The following PHEX variants were observed in gnomAD, a reference collection of about 807,000 sequenced individuals.
PHEX encodes the protein phosphate-regulating neutral endopeptidase PHEX.
PHEX carries 16 observed loss-of-function variants against 68.0 expected under a neutral mutation model. The observed-to-expected ratio is 0.24, with a 90% confidence interval of 0.16 to 0.36. The LOEUF (loss-of-function observed/expected upper bound fraction) is 0.36, where lower values mean the gene tolerates loss of function less well. Ranked by LOEUF, PHEX falls within the 10% of genes least tolerant of loss-of-function variation. PHEX has a pLI of 1.00. For missense variants in PHEX, 480 were observed against 575.5 expected (o/e 0.83, Z 1.70); for synonymous variants, 208 against 205.1 (o/e 1.01, Z -0.12).
intron 11 of PHEX, among the ~76,000 whole-genome samples, chrX:22,128,525 T>A (rs1931836089): frequency 1.8e-5 from 2 of 111,021 alleles, no homozygotes; most frequent in South Asian, 7.8e-4. Context: ...TCCATAAAAA[T>A]ACCTCAAAGA....
In PHEX at chrX:22,113,506, G is replaced by T. The variant is rs142018132; in HGVS notation, c.1174-952G>T. On this transcript the variant is annotated intron_variant, in intron 10 of 21. Transcript: ENST00000379374. ...AGAGTAAACCTCTGACCCAGGTCCT[G>T]CTTGGGAAACTTCTTACTTGTTTGT... 2.9e-3 allele frequency among the ~76,000 whole-genome samples: 327 copies of T among 112,013 alleles called. 1 individual carries two copies. Among genetic ancestry groups the T allele is most frequent in the African/African-American group, 9.7e-3 (300 of 30,801 alleles).
At chrX:22,221,343 A>G (rs995467870) in intron 17 of PHEX, among the ~76,000 whole-genome samples, 1 of 112,556 alleles carries the variant, frequency 8.9e-6, no homozygotes, top group African/African-American at 3.2e-5. Context: ...CCAAGATTGA[A>G]TAAGACTAGT....
chrX:22,194,080 A>G (rs767034242), intron 15 of PHEX, among the ~76,000 whole-genome samples: 1 of 111,945 alleles, frequency 8.9e-6, no homozygotes, highest in South Asian at 3.8e-4. Flanking sequence ...ACCCCTGCTC[A>G]GCCTTTTTCT....
chrX:22,231,297 G>A (rs887113894), intron 20 of PHEX, among the ~76,000 whole-genome samples: 7 of 111,845 alleles, frequency 6.3e-5, no homozygotes, highest in African/African-American at 2.3e-4. Flanking sequence ...AAATGAGTTA[G>A]GGAGGATTCC....
chrX:22,108,986 G>T (rs902981235), intron 9 of PHEX, among the ~76,000 whole-genome samples: 1 of 110,792 alleles, frequency 9.0e-6, no homozygotes, highest in Non-Finnish European at 1.9e-5. Context: ...TATAGCTGTG[G>T]ATTTATGAAT....
At chrX:22,162,194 A>G (rs1233251066) in intron 12 of PHEX, among the ~76,000 whole-genome samples, 2 of 112,070 alleles carry the variant, frequency 1.8e-5, no homozygotes, top group Non-Finnish European at 3.8e-5. Flanking sequence ...GGGGGCTGCA[A>G]ATAGCCTGGA....
intron 5 of PHEX, among the ~76,000 whole-genome samples, chrX:22,082,288 T>A (rs1929426329): frequency 8.9e-6 from 1 of 112,237 alleles, no homozygotes; most frequent in South Asian, 3.7e-4. Flanking sequence ...ACCAAACTGC[T>A]TTCCACAGTG....
intron 14 of PHEX, among the ~76,000 whole-genome samples, chrX:22,190,154 T>C (rs1156645753): frequency 1.8e-5 from 2 of 112,417 alleles, no homozygotes; most frequent in Non-Finnish European, 1.9e-5. Flanking sequence ...GAATTTCTCT[T>C]TAAAACTTTT....
At chrX:22,127,697 G>C (rs918099292) in intron 11 of PHEX, among the ~76,000 whole-genome samples, 2 of 107,881 alleles carry the variant, frequency 1.9e-5, no homozygotes, top group Non-Finnish European at 3.8e-5. Flanking sequence ...AATCTGTAAA[G>C]TCTGCCAAAA....
chrX:22,072,337 G>A (rs1448358699), intron 3 of PHEX, among the ~76,000 whole-genome samples: 1 of 111,656 alleles, frequency 9.0e-6, no homozygotes, highest in African/African-American at 3.3e-5. Flanking sequence ...CGTGAACCTG[G>A]GAGGTGGAGA....
intron 18 of PHEX, among the ~76,000 whole-genome samples, chrX:22,224,273 G>A (rs886650264): frequency 1.8e-5 from 2 of 111,873 alleles, no homozygotes; most frequent in Middle Eastern, 4.6e-3. Flanking sequence ...GTGAGCCACC[G>A]CACCCAGCCC....
intron 20 of PHEX, among the ~76,000 whole-genome samples, chrX:22,229,909 G>A (rs759971023): frequency 7.1e-5 from 8 of 111,920 alleles, no homozygotes; most frequent in East Asian, 2.8e-4. Flanking sequence ...TCTATCTTGA[G>A]TTAATTTTTG....
At chrX:22,164,874 A>G (rs922664742) in intron 12 of PHEX, among the ~76,000 whole-genome samples, 11 of 112,240 alleles carry the variant, frequency 9.8e-5, no homozygotes, top group Middle Eastern at 4.6e-3. Flanking sequence ...ACCTCTAGTT[A>G]TCTGCTATCT....
chrX:22,199,183 A>G (rs142557421), intron 15 of PHEX, among the ~76,000 whole-genome samples: 4,374 of 111,102 alleles, frequency 0.039, 231 homozygotes, highest in African/African-American at 0.13. Flanking sequence ...CTAGTATTAA[A>G]GATCATGGTC....
chrX:22,113,442 G>A (rs1931082055), intron 10 of PHEX, among the ~76,000 whole-genome samples: 2 of 111,464 alleles, frequency 1.8e-5, no homozygotes, highest in South Asian at 7.6e-4. Context: ...GCTTCCAAGG[G>A]CAACTTACAC....
chrX:22,066,608 C>G lies in PHEX; in HGVS notation c.350-9780C>G, dbSNP rs187658862. Among the ~76,000 whole-genome samples, 5 of 111,898 alleles carry G rather than the reference C, an allele frequency of 4.5e-5. No homozygotes were observed. The Admixed American group carries it at 4.7e-4, about 11-fold the overall frequency. Reference sequence around the variant, plus strand: ...GTGCCAAAGGTGCTGTTGCTTCCCCCCTTTTGGGGGAGAGGATTCTGGATA... The same window carrying G: ...GTGCCAAAGGTGCTGTTGCTTCCCCGCTTTTGGGGGAGAGGATTCTGGATA... On this transcript the variant is annotated intron_variant, in intron 3 of 21. Coordinates refer to ENST00000379374, the MANE Select transcript of PHEX (RefSeq NM_000444.6).
At chrX:22,112,133 C>T (rs764276446) in intron 10 of PHEX, among the ~76,000 whole-genome samples, 3 of 111,701 alleles carry the variant, frequency 2.7e-5, no homozygotes, top group Non-Finnish European at 5.6e-5. Flanking sequence ...TCCACCTGCT[C>T]ACCTGGCTCT....
chrX:22,230,093 T>C (rs1046551931), intron 20 of PHEX, among the ~76,000 whole-genome samples: 2 of 110,569 alleles, frequency 1.8e-5, no homozygotes, highest in South Asian at 3.9e-4. Context: ...TTCTGTTCCA[T>C]TGGTCTATAT....
rs1346606512 is a variant in PHEX, at chrX:22,249,472, ATATATATATATATATG to A, written c.*1525_*1540del. ...AAAAAAAAAATATATATATATATAT[ATATATATATATATATG>A]TATATCTACCTAAGTGTGTGCCATG... On this transcript the variant is annotated 3_prime_UTR_variant, in exon 22 of 22. Coordinates refer to ENST00000379374, the MANE Select transcript of PHEX (RefSeq NM_000444.6). 8.3e-5 allele frequency: 7 copies of A among 84,731 alleles called. No homozygotes were observed. Among genetic ancestry groups the A allele is most frequent in the African/African-American group, 3.6e-4 (7 of 19,643 alleles). The allele number at this position is 84,731 out of a possible 1,213,427, so 7.0% of individuals were successfully genotyped here.
Sources: gnomAD v4.1 joint callset for allele counts (sites outside exome capture counted in the v4.1 genomes callset) on GRCh38, gnomAD v4.1.1 for gene constraint, MANE v1.5 for transcripts, NCBI Gene and HGNC (gene_info 2026-07-23, HGNC 2026-07-21) for gene names.